Variants in ABHD17C observed in about 807,000 individuals in gnomAD.
ABHD17C encodes alpha/beta hydrolase domain-containing protein 17C.
A neutral mutation model predicts 27.9 loss-of-function variants in ABHD17C; 11 were observed. That is an observed-to-expected ratio of 0.39 (90% CI 0.25 to 0.65). The LOEUF is 0.65. Among genes scored for constraint, ABHD17C ranks in the 30% least tolerant of loss-of-function variants. ABHD17C has a pLI of 0.45. For missense variants in ABHD17C, 280 were observed against 470.2 expected, an observed-to-expected ratio of 0.60 and a Z score of 3.74; for synonymous variants, 233 against 209.1, an observed-to-expected ratio of 1.11 and a Z score of -0.98.
intron 2 of ABHD17C, among the ~76,000 whole-genome samples, chr15:80,750,971 AATCTT>A (rs1895357622): frequency 6.6e-6 from 1 of 151,972 alleles, no homozygotes; most frequent in South Asian, 2.1e-4. Flanking sequence ...ATTAGCAACT[AATCTT>A]ATCTGAGTTT....
chr15:80,712,893 T>C (rs549450304), intron 1 of ABHD17C, among the ~76,000 whole-genome samples: 8 of 152,222 alleles, frequency 5.3e-5, no homozygotes, highest in Admixed American at 6.5e-5. Context: ...TACTTTGCCA[T>C]GTTGTTTATT....
chr15:80,733,771 A>G (rs890866635), intron 1 of ABHD17C, among the ~76,000 whole-genome samples: 1 of 152,172 alleles, frequency 6.6e-6, no homozygotes, highest in Admixed American at 6.5e-5. Flanking sequence ...CTCATCCTAC[A>G]AAGAGATAAA....
rs115119807 is a variant in ABHD17C, at chr15:80,751,360, C to T, written c.770+1668C>T. ...AGGTGACAGAGCAAGATTCTGTCTCCAAAGGAAAAAAAAAAGATGTTTGTT... is the reference window on the plus strand; with the variant it reads ...AGGTGACAGAGCAAGATTCTGTCTCTAAAGGAAAAAAAAAAGATGTTTGTT... On this transcript the variant is annotated intron_variant, in intron 2 of 2. Coordinates refer to ENST00000258884, the MANE Select transcript of ABHD17C (RefSeq NM_021214.2). Among the ~76,000 whole-genome samples, 545 of 149,636 alleles carry T rather than the reference C, an allele frequency of 3.6e-3. 4 individuals are homozygous for T. The highest frequency in any genetic ancestry group is 0.013 in the African/African-American group (526 of 40,772).
chr15:80,695,567 G>T lies in ABHD17C; in HGVS notation c.138G>T (p.Ala46=). The T allele has an allele frequency of 8.2e-7, 1 of 1,224,182 alleles. No homozygotes were observed. Among genetic ancestry groups the T allele is most frequent in the Non-Finnish European group, 1.0e-6 (1 of 965,482 alleles). 75.8% of individuals were successfully genotyped at this position (1,224,182 alleles called of 1,614,324 possible). ...LPPEPTYTVL[A]PEQRGAGASA... ...CCGAGCCCACCTACACGGTGCTGGC[G>T]CCGGAGCAGCGCGGCGCCGGCGCGT... The change falls in exon 1 of 3, where the codon GCG becomes GCT. Residue 46 remains alanine (A), a synonymous_variant. Coordinates refer to ENST00000258884, the MANE Select transcript of ABHD17C (RefSeq NM_021214.2). The surrounding 1 kb of genome is among the most constrained non-coding windows in gnomAD (Gnocchi z 4.3).
At chr15:80,697,698 G>A (rs1159232742) in intron 1 of ABHD17C, among the ~76,000 whole-genome samples, 1 of 151,936 alleles carries the variant, frequency 6.6e-6, no homozygotes, top group African/African-American at 2.4e-5. Context: ...ATCTGATAGT[G>A]TATCAGTTGA....
At chr15:80,714,088 G>A (rs1407726870) in intron 1 of ABHD17C, among the ~76,000 whole-genome samples, 1 of 152,062 alleles carries the variant, frequency 6.6e-6, no homozygotes, top group Non-Finnish European at 1.5e-5. Flanking sequence ...TGAGTAGCTG[G>A]GACTACAGGT....
At chr15:80,753,336 T>C (rs1437000948) in intron 2 of ABHD17C, among the ~76,000 whole-genome samples, 2 of 152,196 alleles carry the variant, frequency 1.3e-5, no homozygotes, top group Non-Finnish European at 2.9e-5. Flanking sequence ...TGTGGTATTC[T>C]TGTTTGGATC....
Position 80,724,782 on chromosome 15 carries a change from CCCT to C in ABHD17C, c.591-24724_591-24722del, listed in dbSNP as rs1170593240. On this transcript the variant is annotated intron_variant, in intron 1 of 2. Transcript: ENST00000258884. ...TCCTCCTCCTTCTCCTTCTCCAGTT[CCCT>C]CCTCCTATTATTCATTCTGTTCCTA... 6.6e-5 allele frequency among the ~76,000 whole-genome samples: 10 copies of C among 152,080 alleles called. 1 individual carries two copies. Among genetic ancestry groups the C allele is most frequent in the Non-Finnish European group, 1.5e-5 (1 of 68,020 alleles).
At chr15:80,738,295 C>T (rs536292063) in intron 1 of ABHD17C, among the ~76,000 whole-genome samples, 2 of 152,242 alleles carry the variant, frequency 1.3e-5, no homozygotes, top group South Asian at 4.1e-4. Flanking sequence ...TACACAGAAA[C>T]CAACAGGATA....
chr15:80,740,478 C>G (rs888830587), intron 1 of ABHD17C, among the ~76,000 whole-genome samples: 1 of 152,092 alleles, frequency 6.6e-6, no homozygotes, highest in African/African-American at 2.4e-5. Flanking sequence ...CCTAAGCCAA[C>G]TCCCGGGACT....
chr15:80,707,239 T>TC, intron 1 of ABHD17C, among the ~76,000 whole-genome samples: 1 of 152,264 alleles, frequency 6.6e-6, no homozygotes, highest in South Asian at 2.1e-4. Flanking sequence ...TGTGGATGAT[T>TC]TTAGAGGGAT....
At chr15:80,698,404 A>G (rs1894527140) in intron 1 of ABHD17C, among the ~76,000 whole-genome samples, 1 of 152,176 alleles carries the variant, frequency 6.6e-6, no homozygotes, top group African/African-American at 2.4e-5. Context: ...GATGGTTGTG[A>G]ATTGCTAAAT....
chr15:80,729,610 C>G (rs1273637881), intron 1 of ABHD17C, among the ~76,000 whole-genome samples: 2 of 152,178 alleles, frequency 1.3e-5, no homozygotes, highest in Non-Finnish European at 2.9e-5. Flanking sequence ...TTAAAACTCT[C>G]CTTTTCCACA....
intron 1 of ABHD17C, among the ~76,000 whole-genome samples, chr15:80,700,477 C>T (rs962283595): frequency 1.3e-5 from 2 of 152,032 alleles, no homozygotes; most frequent in South Asian, 2.1e-4. Flanking sequence ...GGCAGAGAAA[C>T]GTTGATACAG....
intron 1 of ABHD17C, among the ~76,000 whole-genome samples, chr15:80,741,503 T>C (rs1895211353): frequency 6.6e-6 from 1 of 151,376 alleles, no homozygotes; most frequent in Admixed American, 6.9e-5. Flanking sequence ...TAGCACAGTT[T>C]TTTTTTCTTT....
At chr15:80,728,412 C>A (rs1268755008) in intron 1 of ABHD17C, among the ~76,000 whole-genome samples, 1 of 152,202 alleles carries the variant, frequency 6.6e-6, no homozygotes, top group Admixed American at 6.5e-5. Context: ...CTGACCTGAT[C>A]AAGCATGCTT....
rs1390752537 is a variant in ABHD17C, at chr15:80,695,820, A to G, written c.391A>G (p.Ser131Gly). Reference sequence around the variant, plus strand: ...CATGTTCGTGCGCTGCGCGCCCTCCAGCCGCTACACGCTGCTCTTCTCGCA... The same window carrying G: ...CATGTTCGTGCGCTGCGCGCCCTCCGGCCGCTACACGCTGCTCTTCTCGCA... ...GCMFVRCAPS[S>G]RYTLLFSHGN... is the part of the protein sequence containing the mutation. Residue 131 changes from serine to glycine, a missense_variant, in exon 1 of 3, where the codon AGC becomes GGC. This residue lies in a region of ABHD17C where 206 missense variants were observed against 394.7 expected (regional missense o/e 0.52). Transcript: ENST00000258884. This position sits in a 1 kb window ranked among gnomAD's most constrained non-coding sequence, Gnocchi z 4.3. The G allele has an allele frequency of 6.3e-7, 1 of 1,575,304 alleles. No individual in the cohort carries two copies. Among genetic ancestry groups the G allele is most frequent in the Admixed American group, 1.8e-5 (1 of 55,514 alleles).
intron 1 of ABHD17C, among the ~76,000 whole-genome samples, chr15:80,718,601 T>G (rs892522027): frequency 1.8e-4 from 28 of 152,216 alleles, no homozygotes; most frequent in Admixed American, 3.9e-4. Context: ...CCCAAAGTGC[T>G]GGGATTACAG....
chr15:80,725,840 G>A (rs926364726), intron 1 of ABHD17C, among the ~76,000 whole-genome samples: 2 of 124,220 alleles, frequency 1.6e-5, no homozygotes, highest in African/African-American at 5.9e-5. Flanking sequence ...TTGTTTGTTT[G>A]TTTATATAGG....
Sources: gnomAD v4.1 joint callset for allele counts (sites outside exome capture counted in the v4.1 genomes callset) on GRCh38, gnomAD v4.1.1 for gene constraint, gnomAD v4.1.1 regional missense constraint, Gnocchi (gnomAD v3.1) non-coding constraint, MANE v1.5 for transcripts, NCBI Gene and HGNC (gene_info 2026-07-23, HGNC 2026-07-21) for gene names.